Variants in PLCE1 observed in about 807,000 individuals in gnomAD.
PLCE1 encodes phospholipase C epsilon 1.
Under a neutral mutation model 242.8 loss-of-function variants are expected in PLCE1, and 119 were observed. The observed-to-expected ratio is 0.49, with a 90% confidence interval of 0.42 to 0.57. PLCE1 has a LOEUF of 0.57. Ranked by LOEUF, PLCE1 falls within the 20% of genes least tolerant of loss-of-function variation. The pLI is 0.00. For synonymous variants in PLCE1, 945 were observed against 1,017.4 expected, an observed-to-expected ratio of 0.93 and a Z score of 1.35; for missense variants, 2,441 against 2,788.8, an observed-to-expected ratio of 0.88 and a Z score of 2.81.
At chr10:94,139,295 A>C (rs1210822184) in intron 3 of PLCE1, 1 of 154,122 alleles carries the variant, frequency 6.5e-6, no homozygotes, top group African/African-American at 2.4e-5. Context: ...AAAAACAAAA[A>C]AATAAACAAC....
intron 2 of PLCE1, among the ~76,000 whole-genome samples, chr10:94,077,171 G>A (rs2135186176): frequency 6.6e-6 from 1 of 152,306 alleles, no homozygotes; most frequent in Non-Finnish European, 1.5e-5. Context: ...ATTCGCTCTG[G>A]TGTTTCCCAG....
chr10:94,085,235 T>A (rs952319295), intron 2 of PLCE1, among the ~76,000 whole-genome samples: 9 of 152,116 alleles, frequency 5.9e-5, no homozygotes, highest in African/African-American at 2.2e-4. Flanking sequence ...TTCTTTGGCT[T>A]TGGGGGTCCT....
chr10:94,167,133 A>AG (rs2047830384), intron 3 of PLCE1, among the ~76,000 whole-genome samples: 1 of 152,202 alleles, frequency 6.6e-6, no homozygotes, highest in Non-Finnish European at 1.5e-5. Flanking sequence ...CTACTAAAAA[A>AG]TACAAATATT....
chr10:94,245,579 C>T (rs573829679), intron 7 of PLCE1, among the ~76,000 whole-genome samples: 30 of 152,158 alleles, frequency 2.0e-4, no homozygotes, highest in Non-Finnish European at 3.1e-4. Context: ...CTCCGCCTCC[C>T]GGGTTCAAGC....
intron 13 of PLCE1, among the ~76,000 whole-genome samples, chr10:94,259,774 G>C (rs1477251751): frequency 6.6e-6 from 1 of 152,102 alleles, no homozygotes; most frequent in Non-Finnish European, 1.5e-5. Context: ...TGCTGATGAA[G>C]ACATACCCAA....
intron 2 of PLCE1, among the ~76,000 whole-genome samples, chr10:94,061,822 C>T (rs577755893): frequency 6.6e-6 from 1 of 152,318 alleles, no homozygotes; most frequent in African/African-American, 2.4e-5. Context: ...AGTGCAAAAA[C>T]TAGTTTTTGC....
intron 3 of PLCE1, among the ~76,000 whole-genome samples, chr10:94,153,406 A>C (rs761223006): frequency 5.9e-5 from 9 of 152,210 alleles, no homozygotes; most frequent in South Asian, 4.1e-4. Flanking sequence ...AAATAGGAAT[A>C]GAAAGGAACT....
At chr10:94,155,095 A>G (rs1286927272) in intron 3 of PLCE1, among the ~76,000 whole-genome samples, 3 of 151,950 alleles carry the variant, frequency 2.0e-5, no homozygotes, top group South Asian at 2.1e-4. Context: ...GATGCTAAAC[A>G]TAGGAGTTAC....
intron 4 of PLCE1, among the ~76,000 whole-genome samples, chr10:94,203,353 T>C (rs143022452): frequency 2.0e-4 from 31 of 152,346 alleles, no homozygotes; most frequent in African/African-American, 7.5e-4. Context: ...TTACATTTGC[T>C]ACATATTTCC....
intron 1 of PLCE1, among the ~76,000 whole-genome samples, chr10:94,029,356 T>C (rs1284782701): frequency 6.6e-6 from 1 of 152,184 alleles, no homozygotes; most frequent in African/African-American, 2.4e-5. Context: ...ACCTGAAAAG[T>C]TGTTCATGGT....
intron 24 of PLCE1, among the ~76,000 whole-genome samples, chr10:94,301,906 C>CTT (rs5787111): frequency 0.19 from 28,486 of 152,096 alleles, 2,825 homozygotes; most frequent in Middle Eastern, 0.31. Context: ...GAATGACAGA[C>CTT]TTCCAATCCT....
At chr10:94,012,638 G>A (rs1381590019) in intron 1 of PLCE1, among the ~76,000 whole-genome samples, 1 of 152,154 alleles carries the variant, frequency 6.6e-6, no homozygotes, top group Non-Finnish European at 1.5e-5. Context: ...AGTGCTGACA[G>A]AGGTGCTGCA....
intron 3 of PLCE1, among the ~76,000 whole-genome samples, chr10:94,135,861 T>A (rs952049992): frequency 6.6e-6 from 1 of 152,200 alleles, no homozygotes; most frequent in African/African-American, 2.4e-5. Flanking sequence ...TTTTAGATGT[T>A]GGCAGCTGTA....
At chr10:94,318,801 C>G (rs2053667857) in intron 29 of PLCE1, among the ~76,000 whole-genome samples, 1 of 152,190 alleles carries the variant, frequency 6.6e-6, no homozygotes, top group Admixed American at 6.5e-5. Context: ...TGGCTCACAC[C>G]TGTAATCCCA....
chr10:94,186,763 A>G (rs2689700), intron 4 of PLCE1, among the ~76,000 whole-genome samples: 125,500 of 152,162 alleles, frequency 0.82, 51,918 homozygotes, highest in East Asian at 0.87. Flanking sequence ...AAGATACATA[A>G]TTGATATGCA....
rs1449382962 is a variant in PLCE1, at chr10:94,031,354, A to C, written c.308A>C (p.Asn103Thr). The change falls in exon 2 of 33, where the codon AAC (asparagine) becomes ACC (threonine). Residue 103 changes from asparagine (N) to threonine (T), a missense_variant. By Grantham distance (65) the Asn-to-Thr change is moderately conservative. Around this residue, in one of 5 missense-constraint regions of PLCE1, gnomAD observed 393 missense variants for 378.5 expected, o/e 1.04. Transcript: ENST00000371380. ...ATGCCAGATTCTGCGAAAAACCTTA[A>C]CATTAACTGCAACAACATATTGAGA... is the stretch of plus-strand genomic sequence containing the variant. ...KIMPDSAKNL[N>T]INCNNILRNH... 6.2e-7 allele frequency: 1 copy of C among 1,613,800 alleles called. No individual in the cohort carries two copies. The highest frequency in any genetic ancestry group is 1.3e-5 in the African/African-American group (1 of 74,908).
intron 4 of PLCE1, among the ~76,000 whole-genome samples, chr10:94,212,458 G>A (rs192801130): frequency 1.1e-3 from 166 of 152,220 alleles, no homozygotes; most frequent in Non-Finnish European, 1.9e-3. Context: ...GGGTTTCACC[G>A]TGTTAGCCAG....
intron 2 of PLCE1, among the ~76,000 whole-genome samples, chr10:94,045,994 G>T (rs1049963197): frequency 2.0e-5 from 3 of 151,824 alleles, no homozygotes; most frequent in African/African-American, 7.3e-5. Context: ...AATAACCTTA[G>T]TTGGTGCATA....
chr10:94,270,977 G>A (rs1466294737), intron 18 of PLCE1, among the ~76,000 whole-genome samples: 1 of 151,994 alleles, frequency 6.6e-6, no homozygotes, highest in Non-Finnish European at 1.5e-5. Flanking sequence ...GCCGTCATTA[G>A]GTTTAAATGA....
Sources: allele counts gnomAD v4.1 joint callset (sites outside exome capture counted in the v4.1 genomes callset), GRCh38; gene constraint gnomAD v4.1.1; regional missense constraint gnomAD v4.1.1; transcripts MANE v1.5; gene names NCBI Gene and HGNC (gene_info 2026-07-23, HGNC 2026-07-21).